TYW1: variants seen among roughly 807,000 people sequenced by gnomAD.
TYW1 encodes the protein S-adenosyl-L-methionine-dependent tRNA 4-demethylwyosine synthase TYW1.
Under a neutral mutation model 96.2 loss-of-function variants are expected in TYW1, and 46 were observed. The ratio of observed to expected loss-of-function variants is 0.48; its 90% CI spans 0.38 to 0.61. The LOEUF (loss-of-function observed/expected upper bound fraction) is 0.61, where lower values mean the gene tolerates loss of function less well. TYW1 is among the 20% of genes least tolerant of loss of function. The pLI is 0.00. For missense variants in TYW1, 684 were observed against 909.6 expected (o/e 0.75, Z 3.19); for synonymous variants, 274 against 323.0 (o/e 0.85, Z 1.63).
At position 67,044,394 on chromosome 7, in the gene TYW1, G is replaced by A. The variant is rs572300303; in HGVS notation, c.985-5555G>A. ...ATTACAGGTGTGAGCCACCACGTCCGACCTGAGTTTTTAATATTGAAAGTT... is the reference window on the plus strand; with the variant it reads ...ATTACAGGTGTGAGCCACCACGTCCAACCTGAGTTTTTAATATTGAAAGTT... On this transcript the variant is annotated intron_variant, in intron 7 of 15. Transcript: ENST00000359626. Among the ~76,000 whole-genome samples, 405 of 152,144 alleles carry A rather than the reference G, an allele frequency of 2.7e-3. 3 individuals are homozygous for A. Among genetic ancestry groups the A allele is most frequent in the Non-Finnish European group, 4.6e-3 (312 of 67,994 alleles).
intron 10 of TYW1, among the ~76,000 whole-genome samples, chr7:67,071,377 A>C (rs1353759289): frequency 6.6e-6 from 1 of 150,886 alleles, no homozygotes; most frequent in African/African-American, 2.4e-5. Flanking sequence ...GAGCCAAAGA[A>C]AAAAAATTGG....
chr7:67,019,245 C>A (rs1254730050), intron 6 of TYW1, among the ~76,000 whole-genome samples: 1 of 152,260 alleles, frequency 6.6e-6, no homozygotes, highest in Non-Finnish European at 1.5e-5. Flanking sequence ...CCCCTTCTTA[C>A]TCTCCAAGTT....
intron 13 of TYW1, among the ~76,000 whole-genome samples, chr7:67,145,335 G>C (rs1468193976): frequency 6.6e-6 from 1 of 151,784 alleles, no homozygotes; most frequent in Non-Finnish European, 1.5e-5. Flanking sequence ...ATTTTTAATA[G>C]AGACGGGGTT....
At chr7:67,189,345 G>A (rs901652515) in intron 14 of TYW1, among the ~76,000 whole-genome samples, 4 of 151,808 alleles carry the variant, frequency 2.6e-5, no homozygotes, top group African/African-American at 7.3e-5. Context: ...TGTGTGTGGT[G>A]TGTGCACTTG....
chr7:67,100,102 T>C (rs34631401), intron 12 of TYW1, among the ~76,000 whole-genome samples: 1 of 151,968 alleles, frequency 6.6e-6, no homozygotes, highest in East Asian at 1.9e-4. Context: ...GTAATTACAC[T>C]GAGGGTTCCA....
chr7:66,997,993 T>A (rs1793247901), intron 1 of TYW1, 72 bp from the exon 2 acceptor site: 2 of 1,491,080 alleles, frequency 1.3e-6, no homozygotes, highest in East Asian at 4.9e-5. Flanking sequence ...TTTTATTTTC[T>A]TCTTAAAATT....
chr7:67,125,676 A>C (rs1360352253), intron 13 of TYW1, among the ~76,000 whole-genome samples: 1 of 152,150 alleles, frequency 6.6e-6, no homozygotes, highest in Non-Finnish European at 1.5e-5. Context: ...TTACAGTGTC[A>C]TATGGGGTAG....
intron 9 of TYW1, among the ~76,000 whole-genome samples, chr7:67,058,863 A>T (rs1795610227): frequency 6.6e-6 from 1 of 152,120 alleles, no homozygotes; most frequent in Admixed American, 6.6e-5. Flanking sequence ...GTTAAGATTT[A>T]TCCCACCTCT....
intron 7 of TYW1, among the ~76,000 whole-genome samples, chr7:67,027,243 T>C (rs1276536962): frequency 6.6e-6 from 1 of 152,006 alleles, no homozygotes; most frequent in Non-Finnish European, 1.5e-5. Flanking sequence ...CTTGTATATA[T>C]GTCAGAATAA....
chr7:67,074,176 A>G (rs540684298), intron 10 of TYW1, among the ~76,000 whole-genome samples: 2 of 152,282 alleles, frequency 1.3e-5, no homozygotes, highest in East Asian at 1.9e-4. Context: ...CGCTTGCAAG[A>G]CAAAAGTATG....
chr7:67,084,327 T>A (rs1216375750), intron 11 of TYW1, among the ~76,000 whole-genome samples: 1 of 152,204 alleles, frequency 6.6e-6, no homozygotes, highest in Non-Finnish European at 1.5e-5. Flanking sequence ...TGGTAAAAAT[T>A]CAGCCACTCC....
In TYW1 at chr7:67,083,535, T is replaced by A. The variant is rs541460158; in HGVS notation, c.1380T>A (p.Phe460Leu). Residue 460 changes from phenylalanine (F) to leucine (L), a missense_variant, in exon 11 of 16, where the codon TTT becomes TTA. By Grantham distance (22) the Phe-to-Leu change is conservative (BLOSUM62 0). Coordinates refer to ENST00000359626, the MANE Select transcript of TYW1 (RefSeq NM_018264.4). ...ACCATCAGAACATGATTAAGCAGTT[T>A]AAAGGTATTTATCTTCCCTCTACAA... ...IENHQNMIKQFKGVPGVKAER... is the reference protein window; with the variant it reads ...IENHQNMIKQLKGVPGVKAER... The A allele has an allele frequency of 1.2e-6, 2 of 1,614,140 alleles. No individual in the cohort carries two copies. The highest frequency in any genetic ancestry group is 2.7e-5 in the African/African-American group (2 of 75,048).
At chr7:67,188,346 CAAT>C (rs1322860221) in intron 14 of TYW1, among the ~76,000 whole-genome samples, 2 of 151,916 alleles carry the variant, frequency 1.3e-5, no homozygotes, top group East Asian at 1.9e-4. Context: ...ATAACAACAA[CAAT>C]AATAATAATA....
intron 13 of TYW1, among the ~76,000 whole-genome samples, chr7:67,120,345 A>G (rs1452299215): frequency 2.6e-5 from 4 of 152,208 alleles, no homozygotes; most frequent in Admixed American, 6.5e-5. Context: ...AACCTCCGAA[A>G]GTGCTGGGAT....
At chr7:67,087,446 G>A (rs1272112582) in intron 11 of TYW1, among the ~76,000 whole-genome samples, 5 of 152,178 alleles carry the variant, frequency 3.3e-5, no homozygotes, top group Admixed American at 6.5e-5. Context: ...AATAGAGCAC[G>A]TCTATGGATG....
intron 12 of TYW1, among the ~76,000 whole-genome samples, chr7:67,112,232 T>A (rs1373070799): frequency 6.6e-6 from 1 of 151,966 alleles, no homozygotes; most frequent in Non-Finnish European, 1.5e-5. Context: ...GACAATACAG[T>A]TTATCCACTG....
intron 15 of TYW1, among the ~76,000 whole-genome samples, chr7:67,234,746 G>C (rs1485956820): frequency 6.6e-6 from 1 of 151,704 alleles, no homozygotes; most frequent in Admixed American, 6.6e-5. Flanking sequence ...CCAGAGCAGA[G>C]TTTTAGAGTC....
At chr7:67,105,991 G>A (rs547738137) in intron 12 of TYW1, among the ~76,000 whole-genome samples, 96 of 147,812 alleles carry the variant, frequency 6.5e-4, no homozygotes, top group South Asian at 5.0e-3. Flanking sequence ...TCCACTTCCC[G>A]GGTTCAAGTG....
chr7:67,014,578 T>C lies in TYW1; in HGVS notation c.570+17T>C, dbSNP rs1793945267. 1.3e-6 allele frequency: 2 copies of C among 1,589,076 alleles called. No individual in the cohort carries two copies. The highest frequency in any genetic ancestry group is 1.7e-6 in the Non-Finnish European group (2 of 1,166,548). On this transcript the variant is annotated intron_variant, in intron 5 of 15. Coordinates refer to ENST00000359626, the MANE Select transcript of TYW1 (RefSeq NM_018264.4). ...TTCAACAAGGTAGGTCTATATTGAATTATAGGAATAAATTCTCCCCATAAA... is the reference window on the plus strand; with the variant it reads ...TTCAACAAGGTAGGTCTATATTGAACTATAGGAATAAATTCTCCCCATAAA...
Sources: allele counts gnomAD v4.1 joint callset (sites outside exome capture counted in the v4.1 genomes callset), GRCh38; gene constraint gnomAD v4.1.1; transcripts MANE v1.5; gene names NCBI Gene and HGNC (gene_info 2026-07-23, HGNC 2026-07-21).